Variants in OC90 observed in about 807,000 individuals in gnomAD.
OC90 encodes otoconin-90.
A neutral mutation model predicts 47.3 loss-of-function variants in OC90; 46 were observed. The observed-to-expected ratio is 0.97, with a 90% confidence interval of 0.77 to 1.24. The LOEUF (loss-of-function observed/expected upper bound fraction) is 1.24, where lower values mean the gene tolerates loss of function less well. Ranked by LOEUF, OC90 falls within the 50% of genes most tolerant of loss-of-function variation. OC90 has a pLI of 0.00. For missense variants in OC90, 688 were observed against 583.9 expected, an observed-to-expected ratio of 1.18 and a Z score of -1.84; for synonymous variants, 271 against 219.5, an observed-to-expected ratio of 1.23 and a Z score of -2.07.
At chr8:132,044,998 A>AT (rs1480325073) in intron 3 of OC90, among the ~76,000 whole-genome samples, 2 of 152,146 alleles carry the variant, frequency 1.3e-5, no homozygotes, top group Admixed American at 1.3e-4. Flanking sequence ...TGCTGTGTAG[A>AT]TTGCCGTGAG....
intron 12 of OC90, among the ~76,000 whole-genome samples, chr8:132,029,750 C>G (rs1386960675): frequency 6.6e-6 from 1 of 152,160 alleles, no homozygotes; most frequent in South Asian, 2.1e-4. Context: ...GAAAATGAGT[C>G]AATGTCTTCT....
chr8:132,036,371 T>C (rs544869199), intron 9 of OC90: 2 of 780,882 alleles, frequency 2.6e-6, no homozygotes, highest in Admixed American at 3.4e-5. Flanking sequence ...CTCTGCTTAC[T>C]TTTCTTGGAG....
At chr8:132,028,631 A>G (rs1409828388) in intron 13 of OC90, among the ~76,000 whole-genome samples, 1 of 117,300 alleles carries the variant, frequency 8.5e-6, no homozygotes, top group African/African-American at 3.0e-5. Flanking sequence ...GGAAGGAAGG[A>G]AGGAAAGAAA....
intron 9 of OC90, 75 bp downstream of exon 9, chr8:132,037,362 GT>G: frequency 2.5e-6 from 3 of 1,203,374 alleles, no homozygotes. Flanking sequence ...GTGAGATCTG[GT>G]TGTTTAAACG....
rs771727976 is a variant in OC90 at position 132,024,515 on chromosome 8, C to T, written c.1400G>A (p.Gly467Asp). 1.7e-5 allele frequency: 27 copies of T among 1,587,024 alleles called. No homozygotes were observed. In the East Asian group the frequency reaches 6.1e-4, roughly 36 times the overall value. The change falls in exon 14 of 14, where the codon GGT becomes GAT. Residue 467 changes from glycine to aspartate, a missense_variant. Gly to Asp is a moderately conservative substitution (Grantham distance 94). Transcript: ENST00000254627. The part of the protein sequence containing the change: ...RAKRFLRKSL[G>D]PLGIGPLHGR The stretch of plus-strand genomic sequence containing the variant: ...ATGAAGAGGCCCGATCCCCAAGGGA[C>T]CCAGTGACTTCCGCAGAAACCTCTT...
At chr8:132,030,800 G>A (rs944566422) in intron 12 of OC90, among the ~76,000 whole-genome samples, 1 of 152,196 alleles carries the variant, frequency 6.6e-6, no homozygotes, top group Non-Finnish European at 1.5e-5. Context: ...ATGAAGCCGG[G>A]ATGGCTGACA....
intron 6 of OC90, among the ~76,000 whole-genome samples, chr8:132,039,479 C>T (rs1459595478): frequency 6.6e-6 from 1 of 152,152 alleles, no homozygotes; most frequent in Non-Finnish European, 1.5e-5. Context: ...TACCCTGCTG[C>T]TCAATCTACT....
chr8:132,029,451 CTG>C (rs1268259079), intron 12 of OC90, among the ~76,000 whole-genome samples: 4 of 152,306 alleles, frequency 2.6e-5, no homozygotes, highest in Non-Finnish European at 4.4e-5. Flanking sequence ...TTTATTGTAA[CTG>C]TTCATGGCAA....
At position 132,038,992 on chromosome 8, in the gene OC90, T is replaced by C. The variant is rs779706958; in HGVS notation, c.586+3A>G. The C allele has an allele frequency of 1.2e-6, 2 of 1,613,952 alleles. No individual in the cohort carries two copies. Among genetic ancestry groups the C allele is most frequent in the Admixed American group, 1.7e-5 (1 of 60,028 alleles). ...ACGGCTGATGCAGCCAGGTTCTTCC[T>C]ACCTGGAGTCTGAGCCAGGCAGAAG... On this transcript the variant is annotated splice_donor_region_variant and intron_variant, in intron 7 of 13. Coordinates refer to ENST00000254627, the MANE Select transcript of OC90 (RefSeq NM_001080399.3).
chr8:132,031,832 A>G, intron 12 of OC90, 49 bp downstream of exon 12: 1 of 1,542,250 alleles, frequency 6.5e-7, no homozygotes, highest in Non-Finnish European at 8.9e-7. Flanking sequence ...TCTGGTGCAG[A>G]CAGCATCAGC....
At chr8:132,050,270 C>T (rs1337656011) in intron 2 of OC90, among the ~76,000 whole-genome samples, 1 of 151,990 alleles carries the variant, frequency 6.6e-6, no homozygotes, top group Admixed American at 6.5e-5. Context: ...TGATGTGGAC[C>T]CTGAAGGCCT....
chr8:132,058,160 A>C (rs57643619), intron 1 of OC90, among the ~76,000 whole-genome samples: 9,254 of 152,298 alleles, frequency 0.061, 338 homozygotes, highest in African/African-American at 0.072. Context: ...AGTTAGAAGC[A>C]CGTGGTCAGC....
At chr8:132,031,847 C>T in intron 12 of OC90, 34 bp downstream of exon 12, 1 of 1,594,758 alleles carries the variant, frequency 6.3e-7, no homozygotes, top group Non-Finnish European at 8.6e-7. Flanking sequence ...ATCAGCACTA[C>T]TACACCAGAG....
chr8:132,049,170 G>A (rs1023309546), intron 2 of OC90, among the ~76,000 whole-genome samples: 11 of 151,642 alleles, frequency 7.3e-5, no homozygotes, highest in Admixed American at 2.6e-4. Context: ...CTTTAAACAC[G>A]TGTAGCATAC....
Position 132,055,023 on chromosome 8 carries a change from T to G in OC90, c.4A>C (p.Ile2Leu). The change falls in exon 2 of 14, where the codon ATT becomes CTT. Residue 2 changes from isoleucine to leucine, a missense_variant. Transcript: ENST00000254627. M[I>L]AFLLTSVLMI... The stretch of plus-strand genomic sequence containing the variant: ...AGCACACTGGTGAGGAGAAACGCAA[T>G]CATAGCAGGAGAACAAAGGATGGGG... 1 of 1,551,086 alleles carries G rather than the reference T, an allele frequency of 6.4e-7. No homozygotes were observed. Among genetic ancestry groups the G allele is most frequent in the Non-Finnish European group, 8.7e-7 (1 of 1,146,814 alleles).
Position 132,039,066 on chromosome 8 carries a change from C to T in OC90, c.515G>A (p.Cys172Tyr), listed in dbSNP as rs778213239. The T allele has an allele frequency of 1.9e-6, 3 of 1,613,668 alleles. No homozygotes were observed. The highest frequency in any genetic ancestry group is 2.2e-5 in the South Asian group (2 of 90,984). ...AGAGTTGAGGCTGGATCGAGCCAAG[C>T]ACTCTATGGCAGCCTTATCACAGGT... Reference protein sequence around the residue: ...LCTCDKAAIECLARSSLNSSL... With the variant: ...LCTCDKAAIEYLARSSLNSSL... Residue 172 changes from cysteine to tyrosine, a missense_variant, in exon 7 of 14, where the codon TGC becomes TAC. Coordinates refer to ENST00000254627, the MANE Select transcript of OC90 (RefSeq NM_001080399.3).
chr8:132,050,216 G>A (rs149361683), intron 2 of OC90, among the ~76,000 whole-genome samples: 1,706 of 152,230 alleles, frequency 0.011, 35 homozygotes, highest in African/African-American at 0.039. Flanking sequence ...TGTGGGGAGG[G>A]CAGACTGGCA....
At chr8:132,025,170 C>T (rs556207324) in intron 13 of OC90, among the ~76,000 whole-genome samples, 94 of 152,240 alleles carry the variant, frequency 6.2e-4, no homozygotes, top group African/African-American at 2.1e-3. Flanking sequence ...ATTTTTTACT[C>T]CTGGTGTTAC....
At chr8:132,027,179 A>T (rs561755635) in intron 13 of OC90, among the ~76,000 whole-genome samples, 8 of 152,204 alleles carry the variant, frequency 5.3e-5, no homozygotes, top group Non-Finnish European at 1.2e-4. Context: ...GTTAGTACAT[A>T]CTACATGAGA....
Sources: gnomAD v4.1 joint callset for allele counts (sites outside exome capture counted in the v4.1 genomes callset) on GRCh38, gnomAD v4.1.1 for gene constraint, MANE v1.5 for transcripts, NCBI Gene and HGNC (gene_info 2026-07-23, HGNC 2026-07-21) for gene names.